ANKRD30A: variants seen among roughly 807,000 people sequenced by gnomAD.
ANKRD30A encodes the protein ankyrin repeat domain-containing protein 30A.
ANKRD30A carries 170 observed loss-of-function variants against 166.3 expected under a neutral mutation model. That is an observed-to-expected ratio of 1.02 (90% confidence interval 0.90 to 1.16). The LOEUF (loss-of-function observed/expected upper bound fraction) is 1.16, where lower values mean the gene tolerates loss of function less well. Ranked by LOEUF, ANKRD30A falls within the 50% of genes most tolerant of loss-of-function variation. The pLI is 0.00. For missense variants in ANKRD30A, 1,630 were observed against 1,518.0 expected (o/e 1.07, Z -1.23); for synonymous variants, 564 against 508.9 (o/e 1.11, Z -1.46).
the ANKRD30A span, among the ~76,000 whole-genome samples, chr10:37,254,469 G>A: frequency 6.6e-6 from 1 of 152,070 alleles, no homozygotes; most frequent in Non-Finnish European, 1.5e-5. Context: ...GATGGCTGGT[G>A]ATCTTAGGCT....
At chr10:37,249,453 A>ATT in the ANKRD30A span, among the ~76,000 whole-genome samples, 1 of 147,088 alleles carries the variant, frequency 6.8e-6, no homozygotes, top group South Asian at 2.1e-4. Flanking sequence ...GGCACTTTGA[A>ATT]TTTTTTTTTT....
intron 18 of ANKRD30A, among the ~76,000 whole-genome samples, chr10:37,166,381 C>T (rs929484100): frequency 9.9e-5 from 15 of 152,104 alleles, no homozygotes; most frequent in South Asian, 2.1e-4. Flanking sequence ...GCTCAGTCAC[C>T]GAGTTAATGG....
chr10:37,190,143 T>A (rs555416440), intron 25 of ANKRD30A, among the ~76,000 whole-genome samples: 1 of 151,986 alleles, frequency 6.6e-6, no homozygotes, highest in South Asian at 2.1e-4. Context: ...CACATGTATA[T>A]AAATTGTCAT....
intron 17 of ANKRD30A, 27 bp from the exon 18 acceptor site, chr10:37,165,067 A>G (rs41314956): frequency 1.1e-5 from 17 of 1,589,762 alleles, no homozygotes; most frequent in Middle Eastern, 1.7e-4. Flanking sequence ...TGTGCTCATG[A>G]ATGTATCTGT....
In ANKRD30A at chr10:37,231,559, T is replaced by TGG; in HGVS notation, c.*90_*91insGG. 9.3e-7 allele frequency: 1 copy of TGG among 1,071,642 alleles called. No individual in the cohort carries two copies. The highest frequency in any genetic ancestry group is 1.3e-6 in the Non-Finnish European group (1 of 753,472). 66.4% of individuals were successfully genotyped at this position (1,071,642 alleles called of 1,614,324 possible). ...CTAGGAGGCCAGTCCTAGCATCACCTTATGTTGAAAATCTTACCAATAGTC... is the reference window on the plus strand; with the variant it reads ...CTAGGAGGCCAGTCCTAGCATCACCTGGTATGTTGAAAATCTTACCAATAGTC... On this transcript the variant is annotated 3_prime_UTR_variant, in exon 35 of 36. Transcript: ENST00000361713.
At position 37,145,025 on chromosome 10, in the gene ANKRD30A, A is replaced by C; in HGVS notation, c.1424A>C (p.Glu475Ala). The C allele has an allele frequency of 6.2e-7, 1 of 1,601,192 alleles. No homozygotes were observed. ...AGGTTCCCATCAGAATCCAAACAAG[A>C]GGAAGATGAAGAATATTCTTGTGAT... Reference protein sequence around the residue: ...DQRFPSESKQEEDEEYSCDSR... With the variant: ...DQRFPSESKQAEDEEYSCDSR... Residue 475 changes from glutamate to alanine, a missense_variant, in exon 8 of 36, where the codon GAG becomes GCG. This residue lies in a region of ANKRD30A where 904 missense variants were observed against 818.5 expected (regional missense o/e 1.10). Coordinates refer to ENST00000361713, the MANE Select transcript of ANKRD30A (RefSeq NM_052997.3).
At chr10:37,163,136 G>A (rs1422113338) in intron 17 of ANKRD30A, among the ~76,000 whole-genome samples, 48 of 149,864 alleles carry the variant, frequency 3.2e-4, no homozygotes, top group East Asian at 1.4e-3. Context: ...TCAAGAAGGT[G>A]AATGTTGAAA....
intron 24 of ANKRD30A, among the ~76,000 whole-genome samples, chr10:37,183,392 C>G (rs1191431116): frequency 6.9e-6 from 1 of 145,712 alleles, no homozygotes; most frequent in African/African-American, 2.5e-5. Context: ...AGATCAGAAG[C>G]TAGAACAAGA....
the ANKRD30A span, among the ~76,000 whole-genome samples, chr10:37,259,854 G>T: frequency 1.3e-5 from 2 of 152,120 alleles, no homozygotes; most frequent in Non-Finnish European, 1.5e-5. Flanking sequence ...GGGGGCTCCG[G>T]GTGTTTGTAA....
At chr10:37,216,452 A>G in intron 32 of ANKRD30A, 58 bp downstream of exon 32, 1 of 1,467,048 alleles carries the variant, frequency 6.8e-7, no homozygotes, top group Non-Finnish European at 9.2e-7. Flanking sequence ...ACTACGTAGG[A>G]TACTTTTTGT....
At chr10:37,260,144 A>AG in the ANKRD30A span, among the ~76,000 whole-genome samples, 5 of 151,744 alleles carry the variant, frequency 3.3e-5, no homozygotes, top group South Asian at 2.1e-4. Context: ...ACAAAAAAAA[A>AG]AGAGAGAGAA....
At position 37,125,697 on chromosome 10, in the gene ANKRD30A, G is replaced by A. The variant is rs115377424; in HGVS notation, c.-91G>A. On this transcript the variant is annotated 5_prime_UTR_variant, in exon 1 of 36. Coordinates refer to ENST00000361713, the MANE Select transcript of ANKRD30A (RefSeq NM_052997.3). ...GTATCGAGGCGGTGCGTGGACTGAAGAAGGGCGAGGGCGATTGGGGAGGGG... is the reference window on the plus strand; with the variant it reads ...GTATCGAGGCGGTGCGTGGACTGAAAAAGGGCGAGGGCGATTGGGGAGGGG... The A allele has an allele frequency of 5.3e-3, 2,751 of 519,380 alleles. 48 individuals carry two copies. Among genetic ancestry groups the A allele is most frequent in the African/African-American group, 0.05 (2,517 of 50,790 alleles). The allele number at this position is 519,380 out of a possible 1,614,324, so 32.2% of individuals were successfully genotyped here.
chr10:37,161,426 C>G (rs1253967981), intron 15 of ANKRD30A, among the ~76,000 whole-genome samples: 1 of 151,992 alleles, frequency 6.6e-6, no homozygotes, highest in African/African-American at 2.4e-5. Context: ...AAGAATTCTA[C>G]AGAGTTAGAG....
At chr10:37,131,208 G>A (rs1836361012) in intron 3 of ANKRD30A, among the ~76,000 whole-genome samples, 1 of 151,934 alleles carries the variant, frequency 6.6e-6, no homozygotes, top group Non-Finnish European at 1.5e-5. Flanking sequence ...AAGTGTTTTA[G>A]TGGCTTTTAT....
rs1253973907 is a variant in ANKRD30A, at chr10:37,166,709, T to G, written c.2155+14T>G. On this transcript the variant is annotated intron_variant, in intron 19 of 35. Coordinates refer to ENST00000361713, the MANE Select transcript of ANKRD30A (RefSeq NM_052997.3). The stretch of plus-strand genomic sequence containing the variant: ...GAAAATTAGAAGGTAAGAACCGTTT[T>G]TTATTTAAAAATCATTTGACCAAAT... 3 of 1,605,752 alleles carry G rather than the reference T, an allele frequency of 1.9e-6. No homozygotes were observed. The South Asian group carries it at 3.4e-5, about 18-fold the overall frequency.
In ANKRD30A at chr10:37,125,830, C is replaced by T. The variant is rs1353484837; in HGVS notation, c.43C>T (p.Pro15Ser). The T allele has an allele frequency of 2.4e-5, 23 of 959,614 alleles. No individual in the cohort carries two copies. Among genetic ancestry groups the T allele is most frequent in the Admixed American group, 1.1e-4 (5 of 44,570 alleles). The allele number at this position is 959,614 out of a possible 1,614,324, so 59.4% of individuals were successfully genotyped here. ...CGCCGCTGTCAAGGTCGTGCCGGGCCCGGAGCGCCCGAGCCCTTTCAGCCA... is the reference window on the plus strand; with the variant it reads ...CGCCGCTGTCAAGGTCGTGCCGGGCTCGGAGCGCCCGAGCCCTTTCAGCCA... ...SAAAVKVVPG[P>S]ERPSPFSQLV... The change falls in exon 1 of 36, where the codon CCG (proline) becomes TCG (serine). Residue 15 changes from proline to serine, a missense_variant. Pro to Ser is a moderately conservative substitution (Grantham distance 74). Around this residue, in one of 4 missense-constraint regions of ANKRD30A, gnomAD observed 904 missense variants for 818.5 expected, o/e 1.10. Coordinates refer to ENST00000361713, the MANE Select transcript of ANKRD30A (RefSeq NM_052997.3).
chr10:37,199,656 T>G, intron 29 of ANKRD30A, 71 bp from the exon 30 acceptor site: 1 of 1,012,644 alleles, frequency 9.9e-7, no homozygotes, highest in Non-Finnish European at 1.5e-6. Context: ...TGAAAGTAGA[T>G]TTGTATATGT....
chr10:37,205,075 T>C (rs1167025921), intron 31 of ANKRD30A, among the ~76,000 whole-genome samples: 1 of 152,148 alleles, frequency 6.6e-6, no homozygotes, highest in Non-Finnish European at 1.5e-5. Context: ...GAAATACCAT[T>C]TGACCCAGGG....
rs1166699697 is a variant in ANKRD30A, at chr10:37,130,338, A to G, written c.470A>G (p.Lys157Arg). 6.3e-7 allele frequency: 1 copy of G among 1,578,210 alleles called. No homozygotes were observed. The highest frequency in any genetic ancestry group is 8.6e-7 in the Non-Finnish European group (1 of 1,162,916). The change falls in exon 3 of 36, where the codon AAA becomes AGA. Residue 157 changes from lysine to arginine, a missense_variant. Physicochemically the swap from Lys to Arg is conservative, Grantham distance 26. Coordinates refer to ENST00000361713, the MANE Select transcript of ANKRD30A (RefSeq NM_052997.3). Reference sequence around the variant, plus strand: ...AGTGAGATTTTGTCAGTGGTGGCAAAACTGCTGTCCCATGGTGCAGTCATC... The same window carrying G: ...AGTGAGATTTTGTCAGTGGTGGCAAGACTGCTGTCCCATGGTGCAGTCATC... ...VYSEILSVVA[K>R]LLSHGAVIEV... is the part of the protein sequence containing the mutation.
Sources: gnomAD v4.1 joint callset for allele counts (sites outside exome capture counted in the v4.1 genomes callset) on GRCh38, gnomAD v4.1.1 for gene constraint, gnomAD v4.1.1 regional missense constraint, MANE v1.5 for transcripts, NCBI Gene and HGNC (gene_info 2026-07-23, HGNC 2026-07-21) for gene names.